FAM114A2: variants seen among roughly 807,000 people sequenced by gnomAD.
The protein encoded by FAM114A2 is protein FAM114A2.
A neutral mutation model predicts 58.4 loss-of-function variants in FAM114A2; 53 were observed. That is an observed-to-expected ratio of 0.91 (90% CI 0.73 to 1.14). The LOEUF is 1.14. Ranked by LOEUF, FAM114A2 falls within the 50% of genes most tolerant of loss-of-function variation. The pLI, the probability that FAM114A2 is intolerant of heterozygous loss-of-function variation, is 0.00. For missense variants in FAM114A2, 601 were observed against 581.1 expected (o/e 1.03, Z -0.35); for synonymous variants, 228 against 211.4 (o/e 1.08, Z -0.68).
At chr5:154,032,853 A>G (rs929412420) in intron 4 of FAM114A2, among the ~76,000 whole-genome samples, 4 of 152,192 alleles carry the variant, frequency 2.6e-5, no homozygotes, top group African/African-American at 9.6e-5. Flanking sequence ...ACTCTGGAAC[A>G]GCCTACTTCT....
At chr5:154,008,690 GTT>G (rs1770505308) in intron 9 of FAM114A2, among the ~76,000 whole-genome samples, 1 of 151,976 alleles carries the variant, frequency 6.6e-6, no homozygotes. Context: ...GTGTGTGTGT[GTT>G]TATTTGTGTG....
intron 8 of FAM114A2, among the ~76,000 whole-genome samples, chr5:154,025,131 G>A (rs2113436263): frequency 6.6e-6 from 1 of 152,152 alleles, no homozygotes; most frequent in South Asian, 2.1e-4. Flanking sequence ...ACATAGTTCA[G>A]CTCACAACTC....
intron 5 of FAM114A2, among the ~76,000 whole-genome samples, chr5:154,029,108 AT>A (rs1258054827): frequency 6.6e-6 from 1 of 152,212 alleles, no homozygotes; most frequent in Non-Finnish European, 1.5e-5. Context: ...AGTTTTGCAA[AT>A]ATCTGTCATA....
At chr5:154,001,450 G>T (rs147891098) in intron 11 of FAM114A2, among the ~76,000 whole-genome samples, 152 of 152,240 alleles carry the variant, frequency 1.0e-3, no homozygotes, top group African/African-American at 3.3e-3. Flanking sequence ...AGGGTTGTGA[G>T]TCTCTCATCC....
chr5:154,006,854 T>C (rs1454282811), intron 9 of FAM114A2, among the ~76,000 whole-genome samples: 3 of 150,102 alleles, frequency 2.0e-5, no homozygotes, highest in Non-Finnish European at 4.4e-5. Context: ...TGGAGTGCAG[T>C]GGCATGATCT....
chr5:154,013,454 A>C (rs1770830257), intron 8 of FAM114A2, among the ~76,000 whole-genome samples: 1 of 152,196 alleles, frequency 6.6e-6, no homozygotes, highest in Admixed American at 6.5e-5. Context: ...TCACTATTGC[A>C]TTCTCAACCA....
Position 154,034,278 on chromosome 5 carries a change from C to G in FAM114A2, c.310G>C (p.Gly104Arg). Residue 104 changes from glycine (G) to arginine (R), a missense_variant and splice_region_variant, in exon 3 of 14, where the codon GGA becomes CGA. Transcript: ENST00000351797. ...ATAACTAAATGACTGATGATCTTAC[C>G]TACTGTAGCTACTGTAGCCGAGGCT... is the stretch of plus-strand genomic sequence containing the variant. The part of the protein sequence containing the change: ...SSASATVATV[G>R]QGISNVIEKA... 1 of 1,544,718 alleles carries G rather than the reference C, an allele frequency of 6.5e-7. No individual in the cohort carries two copies. Among genetic ancestry groups the G allele is most frequent in the Non-Finnish European group, 8.8e-7 (1 of 1,138,424 alleles).
intron 9 of FAM114A2, among the ~76,000 whole-genome samples, chr5:154,006,398 G>T (rs1770345268): frequency 6.6e-6 from 1 of 152,150 alleles, no homozygotes; most frequent in South Asian, 2.1e-4. Flanking sequence ...GGTCAGGAAG[G>T]GTCTCTGAAA....
intron 8 of FAM114A2, among the ~76,000 whole-genome samples, chr5:154,018,671 T>C (rs1292968587): frequency 6.6e-6 from 1 of 152,128 alleles, no homozygotes; most frequent in Non-Finnish European, 1.5e-5. Context: ...AAGTACTAGC[T>C]AACCAAATCC....
At position 154,007,686 on chromosome 5, in the gene FAM114A2, T is replaced by C. The variant is rs796118119; in HGVS notation, c.993+3555A>G. Among the ~76,000 whole-genome samples, 6 of 152,354 alleles carry C rather than the reference T, an allele frequency of 3.9e-5. 1 individual carries two copies. Among genetic ancestry groups the C allele is most frequent in the African/African-American group, 1.4e-4 (6 of 41,590 alleles). Reference sequence around the variant, plus strand: ...TATGTCTTTTTCATGATTATTTCCCTAGCACCTAGCAAATTACTAAGCATA... The same window carrying C: ...TATGTCTTTTTCATGATTATTTCCCCAGCACCTAGCAAATTACTAAGCATA... On this transcript the variant is annotated intron_variant, in intron 9 of 13. Transcript: ENST00000351797.
intron 10 of FAM114A2, 111 bp downstream of exon 10, chr5:154,002,736 C>A: frequency 9.2e-7 from 1 of 1,091,874 alleles, no homozygotes. Flanking sequence ...AATCCTAGAT[C>A]ACAAGGTTGA....
chr5:153,997,742 A>G, intron 12 of FAM114A2, 61 bp downstream of exon 12: 1 of 1,015,626 alleles, frequency 9.8e-7, no homozygotes, highest in Non-Finnish European at 1.5e-6. Context: ...AAATTTTATG[A>G]TATTTAAACT....
chr5:154,002,509 A>G (rs1159776573), intron 10 of FAM114A2, 119 bp from the exon 11 acceptor site: 2 of 1,063,518 alleles, frequency 1.9e-6, no homozygotes, highest in Non-Finnish European at 1.3e-6. Context: ...TCCAATAAAG[A>G]GTGTCTTCTT....
chr5:153,999,869 T>C (rs1039832990), intron 11 of FAM114A2, among the ~76,000 whole-genome samples: 2 of 152,118 alleles, frequency 1.3e-5, no homozygotes, highest in Non-Finnish European at 2.9e-5. Flanking sequence ...ACAGCAAAGA[T>C]ATAGAATTAA....
chr5:154,007,556 A>G (rs955492266), intron 9 of FAM114A2, among the ~76,000 whole-genome samples: 1 of 152,172 alleles, frequency 6.6e-6, no homozygotes, highest in African/African-American at 2.4e-5. Flanking sequence ...AATTTAAACA[A>G]TCTGAAGATT....
intron 8 of FAM114A2, among the ~76,000 whole-genome samples, chr5:154,017,874 T>C (rs1310715290): frequency 2.0e-5 from 3 of 152,180 alleles, no homozygotes; most frequent in Admixed American, 6.5e-5. Flanking sequence ...TTCTTCAAAC[T>C]GAATGACAAT....
At chr5:154,001,470 T>C (rs1769966910) in intron 11 of FAM114A2, among the ~76,000 whole-genome samples, 1 of 152,094 alleles carries the variant, frequency 6.6e-6, no homozygotes, top group Non-Finnish European at 1.5e-5. Flanking sequence ...CTTAAGGAAG[T>C]TCAAGAAGAC....
chr5:154,024,544 G>A (rs1437026202), intron 8 of FAM114A2, among the ~76,000 whole-genome samples: 2 of 151,998 alleles, frequency 1.3e-5, no homozygotes, highest in Non-Finnish European at 1.5e-5. Context: ...TTAAGTATAT[G>A]AAGAAAATCC....
chr5:154,002,265 G>T lies in FAM114A2; in HGVS notation c.1242C>A (p.Ser414Arg), dbSNP rs1185923272. The T allele has an allele frequency of 6.2e-7, 1 of 1,613,772 alleles. No individual in the cohort carries two copies. Among genetic ancestry groups the T allele is most frequent in the Non-Finnish European group, 8.5e-7 (1 of 1,179,688 alleles). Residue 414 changes from serine to arginine, a missense_variant, in exon 11 of 14, where the codon AGC (serine) becomes AGA (arginine). Coordinates refer to ENST00000351797, the MANE Select transcript of FAM114A2 (RefSeq NM_018691.4). ...ATTACACTTACTGGGAAAGAGTTTG[G>T]CTCCTTTCTATGGCTGTCACTTCCT... is the stretch of plus-strand genomic sequence containing the variant. Reference protein sequence around the residue: ...RKQEVTAIERSQTLSQMTIVL... With the variant: ...RKQEVTAIERRQTLSQMTIVL...
Sources: gnomAD v4.1 joint callset for allele counts (sites outside exome capture counted in the v4.1 genomes callset) on GRCh38, gnomAD v4.1.1 for gene constraint, MANE v1.5 for transcripts, NCBI Gene and HGNC (gene_info 2026-07-23, HGNC 2026-07-21) for gene names.